TRAPPC9: variants seen among roughly 807,000 people sequenced by gnomAD.
The protein encoded by TRAPPC9 is trafficking protein particle complex subunit 9.
In TRAPPC9, 83 loss-of-function variants were observed where a neutral mutation model predicts 124.0. That is an observed-to-expected ratio of 0.67 (90% CI 0.56 to 0.80). The LOEUF is 0.80. TRAPPC9 is among the 30% of genes least tolerant of loss of function. The pLI, the probability that TRAPPC9 is intolerant of heterozygous loss-of-function variation, is 0.00. For synonymous variants in TRAPPC9, 638 were observed against 617.5 expected (o/e 1.03, Z -0.49); for missense variants, 1,302 against 1,508.3 (o/e 0.86, Z 2.27).
chr8:140,448,762 G>C (rs1272832408), intron 2 of TRAPPC9, among the ~76,000 whole-genome samples: 6 of 152,108 alleles, frequency 3.9e-5, no homozygotes, highest in Non-Finnish European at 8.8e-5. Flanking sequence ...CTGGACAGCA[G>C]TGTGCGCTAT....
intron 20 of TRAPPC9, among the ~76,000 whole-genome samples, chr8:139,903,040 C>T (rs1831119480): frequency 6.6e-6 from 1 of 152,216 alleles, no homozygotes; most frequent in Non-Finnish European, 1.5e-5. Context: ...CAAGATCCAA[C>T]ACCCCTCAGC....
At chr8:140,295,647 C>T (rs1016820301) in intron 11 of TRAPPC9, among the ~76,000 whole-genome samples, 1 of 152,192 alleles carries the variant, frequency 6.6e-6, no homozygotes, top group African/African-American at 2.4e-5. Context: ...CGTGAACTAT[C>T]CCAAGTTAAA....
At chr8:140,304,878 G>A (rs529217908) in intron 10 of TRAPPC9, among the ~76,000 whole-genome samples, 6 of 152,188 alleles carry the variant, frequency 3.9e-5, no homozygotes, top group East Asian at 1.9e-4. Context: ...AGGCCACACC[G>A]CCCTGTCCTC....
chr8:140,141,092 C>A (rs1383901631), intron 17 of TRAPPC9, among the ~76,000 whole-genome samples: 1 of 152,208 alleles, frequency 6.6e-6, no homozygotes, highest in Admixed American at 6.5e-5. Context: ...TCTAACATGG[C>A]ATTCCTCATG....
At position 140,451,048 on chromosome 8, in the gene TRAPPC9, G is replaced by A. The variant is rs758320585; in HGVS notation, c.326C>T (p.Thr109Ile). The change falls in exon 2 of 23, where the codon ACA becomes ATA. Residue 109 changes from threonine to isoleucine, a missense_variant. This residue lies in a region of TRAPPC9 where 657 missense variants were observed against 811.2 expected (regional missense o/e 0.81). Transcript: ENST00000438773. Reference protein sequence around the residue: ...FHVQKEIYGSTLYDSRLFVFG... With the variant: ...FHVQKEIYGSILYDSRLFVFG... ...GACAAAGAGCCGGGAGTCATACAGTGTGGAGCCGTAGATCTCCTTCTGCAC... is the reference window on the plus strand; with the variant it reads ...GACAAAGAGCCGGGAGTCATACAGTATGGAGCCGTAGATCTCCTTCTGCAC... The A allele has an allele frequency of 6.2e-7, 1 of 1,614,116 alleles. No homozygotes were observed. The highest frequency in any genetic ancestry group is 8.5e-7 in the Non-Finnish European group (1 of 1,180,028).
chr8:140,194,851 C>T (rs2062598731), intron 17 of TRAPPC9, among the ~76,000 whole-genome samples: 1 of 151,700 alleles, frequency 6.6e-6, no homozygotes. Flanking sequence ...CACTAAAACA[C>T]ACTCAAAGAC....
chr8:140,229,251 C>CTTTTTTTTTTTTTTTTTT (rs528175891), intron 16 of TRAPPC9, among the ~76,000 whole-genome samples: 4 of 99,814 alleles, frequency 4.0e-5, no homozygotes, highest in African/African-American at 9.2e-5. Flanking sequence ...TTTTCTTTTT[C>CTTTTTTTTTTTTTTTTTT]TTTTTTTTTT....
intron 15 of TRAPPC9, among the ~76,000 whole-genome samples, chr8:140,272,436 T>C (rs929262281): frequency 3.3e-5 from 5 of 151,496 alleles, no homozygotes; most frequent in Non-Finnish European, 5.9e-5. Flanking sequence ...GTGATGGTAG[T>C]GATGGTGGTG....
At chr8:140,338,661 GCA>G (rs1011818225) in intron 9 of TRAPPC9, among the ~76,000 whole-genome samples, 10 of 152,226 alleles carry the variant, frequency 6.6e-5, no homozygotes, top group African/African-American at 2.4e-4. Context: ...TAGGACACAG[GCA>G]CAGAGGAAAG....
At chr8:140,144,491 CATTCATTCATTCATTT>C (rs1266184858) in intron 17 of TRAPPC9, among the ~76,000 whole-genome samples, 1 of 151,784 alleles carries the variant, frequency 6.6e-6, no homozygotes, top group Non-Finnish European at 1.5e-5. Flanking sequence ...TTCATTCATT[CATTCATTCATTCATTT>C]AGATGGAGTC....
intron 17 of TRAPPC9, among the ~76,000 whole-genome samples, chr8:140,145,401 TTAAG>T (rs2061447003): frequency 6.6e-6 from 1 of 152,096 alleles, no homozygotes; most frequent in South Asian, 2.1e-4. Flanking sequence ...AGTTTCAACA[TTAAG>T]TATGTTTCCT....
At chr8:140,419,288 G>A (rs531730366) in intron 5 of TRAPPC9, among the ~76,000 whole-genome samples, 2 of 150,966 alleles carry the variant, frequency 1.3e-5, no homozygotes, top group Non-Finnish European at 3.0e-5. Flanking sequence ...AATTAGCCGC[G>A]CGTGGTGGCG....
rs554150141 is a variant in TRAPPC9 at position 140,433,639 on chromosome 8, G to A, written c.859+1473C>T. Among the ~76,000 whole-genome samples, 32 of 152,240 alleles carry A rather than the reference G, an allele frequency of 2.1e-4. 1 individual carries two copies. In the Middle Eastern group the frequency reaches 0.02, roughly 97 times the overall value. On this transcript the variant is annotated intron_variant, in intron 4 of 22. Coordinates refer to ENST00000438773, the MANE Select transcript of TRAPPC9 (RefSeq NM_001160372.4). ...AAACACACATAATCTATTCAACAAT[G>A]TCCCCTTGTAGTCAATCTATAAAGG...
At chr8:140,272,319 T>C (rs1023104654) in intron 15 of TRAPPC9, among the ~76,000 whole-genome samples, 17 of 147,792 alleles carry the variant, frequency 1.2e-4, no homozygotes, top group Admixed American at 7.4e-4. Flanking sequence ...GTGGTGGTTA[T>C]AGTGGTGATG....
At chr8:139,916,696 T>C (rs1249589377) in intron 19 of TRAPPC9, 1 of 152,264 alleles carries the variant, frequency 6.6e-6, no homozygotes, top group Non-Finnish European at 1.5e-5. Context: ...AAAAAGGTGC[T>C]GTGATTTTTG....
At chr8:140,032,945 A>C (rs1244302393) in intron 17 of TRAPPC9, among the ~76,000 whole-genome samples, 1 of 152,226 alleles carries the variant, frequency 6.6e-6, no homozygotes, top group Non-Finnish European at 1.5e-5. Context: ...GAAGAATCTC[A>C]ATGTAGTTTC....
chr8:140,390,598 C>T (rs1395051478), intron 7 of TRAPPC9, among the ~76,000 whole-genome samples: 3 of 152,212 alleles, frequency 2.0e-5, no homozygotes, highest in Non-Finnish European at 4.4e-5. Flanking sequence ...ATTCCCACCG[C>T]TTTGCAGGCA....
chr8:140,232,571 G>A (rs1278596227), intron 16 of TRAPPC9, among the ~76,000 whole-genome samples: 2 of 152,168 alleles, frequency 1.3e-5, no homozygotes, highest in Admixed American at 1.3e-4. Context: ...CACTAGATAT[G>A]GAGTCGAAGC....
intron 17 of TRAPPC9, among the ~76,000 whole-genome samples, chr8:140,150,259 C>T (rs1018939303): frequency 2.0e-5 from 3 of 152,164 alleles, no homozygotes; most frequent in African/African-American, 7.2e-5. Context: ...ACCAGCCAGG[C>T]CAACATGGCA....
Sources: allele counts gnomAD v4.1 joint callset (sites outside exome capture counted in the v4.1 genomes callset), GRCh38; gene constraint gnomAD v4.1.1; regional missense constraint gnomAD v4.1.1; transcripts MANE v1.5; gene names NCBI Gene and HGNC (gene_info 2026-07-23, HGNC 2026-07-21).